Variants in MSI2 observed in about 807,000 individuals in gnomAD.
The protein encoded by MSI2 is RNA-binding protein Musashi homolog 2.
A neutral mutation model predicts 45.6 loss-of-function variants in MSI2; 17 were observed. The ratio of observed to expected loss-of-function variants is 0.37; its 90% confidence interval spans 0.26 to 0.56. The LOEUF is 0.56. Among genes scored for constraint, MSI2 ranks in the 20% least tolerant of loss-of-function variants. MSI2 has a pLI of 0.77. For synonymous variants in MSI2, 156 were observed against 158.2 expected, an observed-to-expected ratio of 0.99 and a Z score of 0.11; for missense variants, 293 against 444.2, an observed-to-expected ratio of 0.66 and a Z score of 3.06.
intron 11 of MSI2, among the ~76,000 whole-genome samples, chr17:57,653,671 G>A (rs754139705): frequency 9.2e-5 from 14 of 152,098 alleles, no homozygotes; most frequent in Non-Finnish European, 1.6e-4. Context: ...TGTTTTCTCC[G>A]TTCAGTTTCT....
At chr17:57,319,785 G>T (rs1290658256) in intron 5 of MSI2, among the ~76,000 whole-genome samples, 1 of 152,020 alleles carries the variant, frequency 6.6e-6, no homozygotes, top group Non-Finnish European at 1.5e-5. Flanking sequence ...GCGAATTTTT[G>T]TATTTTTTTG....
At position 57,651,998 on chromosome 17, in the gene MSI2, T is replaced by A. The variant is rs141029119; in HGVS notation, c.728-101T>A. On this transcript the variant is annotated intron_variant, in intron 10 of 13. Transcript: ENST00000284073. ...GTGAAAATCCCTTCCCACTCCTGTC[T>A]TTGTGTGGAGGGCGGGGGGTTGTGT... 8.2e-6 allele frequency: 9 copies of A among 1,094,284 alleles called. No homozygotes were observed. The African/African-American group carries it at 1.2e-4, about 15-fold the overall frequency. 67.8% of individuals were successfully genotyped at this position (1,094,284 alleles called of 1,614,324 possible). A position where few individuals can be genotyped will look rare whatever the true frequency, so the allele number is the denominator to read the frequency against.
chr17:57,696,156 G>A, the MSI2 span, among the ~76,000 whole-genome samples: 2 of 152,216 alleles, frequency 1.3e-5, no homozygotes, highest in Non-Finnish European at 2.9e-5. Flanking sequence ...ACTAGGTGAA[G>A]ACCCACTGCT....
intron 11 of MSI2, among the ~76,000 whole-genome samples, chr17:57,664,762 A>G (rs1341647189): frequency 2.6e-5 from 4 of 152,122 alleles, no homozygotes; most frequent in African/African-American, 7.2e-5. Context: ...TGTGGATGGT[A>G]TTCATGAATA....
intron 8 of MSI2, among the ~76,000 whole-genome samples, chr17:57,608,013 A>G (rs986962049): frequency 6.6e-6 from 1 of 152,204 alleles, no homozygotes; most frequent in Non-Finnish European, 1.5e-5. Context: ...ACATTTCAAC[A>G]TGAGATTTGG....
At chr17:57,660,970 T>G (rs1195075608) in intron 11 of MSI2, among the ~76,000 whole-genome samples, 1 of 152,208 alleles carries the variant, frequency 6.6e-6, no homozygotes, top group East Asian at 1.9e-4. Context: ...ATTTGTATGT[T>G]AGACAAGCTT....
At chr17:57,276,185 A>G (rs973122198) in intron 5 of MSI2, among the ~76,000 whole-genome samples, 2 of 152,192 alleles carry the variant, frequency 1.3e-5, no homozygotes, top group Non-Finnish European at 2.9e-5. Context: ...TTCTTGCCAC[A>G]ATCATTTTAA....
At chr17:57,269,989 T>G (rs1364847393) in intron 5 of MSI2, among the ~76,000 whole-genome samples, 1 of 152,190 alleles carries the variant, frequency 6.6e-6, no homozygotes, top group Non-Finnish European at 1.5e-5. Context: ...GCTGGGACAG[T>G]TGTCCCACTG....
At chr17:57,489,603 T>G (rs2085827960) in intron 6 of MSI2, among the ~76,000 whole-genome samples, 1 of 152,198 alleles carries the variant, frequency 6.6e-6, no homozygotes, top group Admixed American at 6.5e-5. Context: ...CCTCTGTGGG[T>G]TGCGTGCCTG....
At chr17:57,587,573 A>G (rs1162047904) in intron 7 of MSI2, among the ~76,000 whole-genome samples, 5 of 132,734 alleles carry the variant, frequency 3.8e-5, no homozygotes, top group Non-Finnish European at 6.5e-5. Flanking sequence ...CCCAGCCCCA[A>G]AGGTGGCTGC....
chr17:57,270,893 CTG>C (rs1908298085), intron 5 of MSI2, among the ~76,000 whole-genome samples: 2 of 152,198 alleles, frequency 1.3e-5, no homozygotes, highest in African/African-American at 2.4e-5. Context: ...TTGGAAAATT[CTG>C]TGTCAGTGGC....
At chr17:57,691,243 A>ATC in the MSI2 span, among the ~76,000 whole-genome samples, 399 of 136,994 alleles carry the variant, frequency 2.9e-3, 2 homozygotes, top group African/African-American at 9.5e-3. Context: ...ATCTATCTAT[A>ATC]TTGCCATACC....
chr17:57,352,845 C>T (rs792384), intron 5 of MSI2, among the ~76,000 whole-genome samples: 2,038 of 152,324 alleles, frequency 0.013, 45 homozygotes, highest in African/African-American at 0.046. Flanking sequence ...CTCCTCCTAG[C>T]CTCCTCCTCT....
intron 6 of MSI2, among the ~76,000 whole-genome samples, chr17:57,526,912 A>G (rs1216983649): frequency 6.6e-6 from 1 of 152,146 alleles, no homozygotes; most frequent in African/African-American, 2.4e-5. Context: ...CTTTATGACA[A>G]TGGTTGCCCT....
Position 57,407,311 on chromosome 17 carries a change from C to T in MSI2, c.405+5840C>T, listed in dbSNP as rs28463961. 0.032 allele frequency among the ~76,000 whole-genome samples: 4,807 copies of T among 152,124 alleles called. 256 individuals are homozygous for T. The highest frequency in any genetic ancestry group is 0.11 in the African/African-American group (4,546 of 41,450). On this transcript the variant is annotated intron_variant, in intron 6 of 13. Coordinates refer to ENST00000284073, the MANE Select transcript of MSI2 (RefSeq NM_138962.4). This position sits in a 1 kb window ranked among gnomAD's most constrained non-coding sequence, Gnocchi z 4.1. The stretch of plus-strand genomic sequence containing the variant: ...TGCAGGTGCGAAGCTGCATTCATGG[C>T]CCCCACTCAGACACCCCTTTTGATA...
chr17:57,383,659 T>A (rs2083636262), intron 5 of MSI2, among the ~76,000 whole-genome samples: 1 of 151,640 alleles, frequency 6.6e-6, no homozygotes, highest in African/African-American at 2.4e-5. Context: ...AGACTCCGTC[T>A]AAAAAAAATA....
At position 57,683,876 on chromosome 17, in the gene MSI2, C is replaced by T. The variant is rs1396962779; in HGVS notation, c.*4359C>T. 2.6e-5 allele frequency: 6 copies of T among 231,624 alleles called. No homozygotes were observed. Among genetic ancestry groups the T allele is most frequent in the East Asian group, 1.2e-4 (2 of 16,452 alleles). The allele number at this position is 231,624 out of a possible 1,614,324, so 14.3% of individuals were successfully genotyped here. On this transcript the variant is annotated 3_prime_UTR_variant, in exon 14 of 14. Coordinates refer to ENST00000284073, the MANE Select transcript of MSI2 (RefSeq NM_138962.4). The surrounding 1 kb of genome is among the most constrained non-coding windows in gnomAD (Gnocchi z 5.2). ...TGGGCACAGACACTACACAAGGAGA[C>T]GCTGGAAGTTAAGCAATACTTTAAT...
At position 57,507,933 on chromosome 17, in the gene MSI2, G is replaced by T. The variant is rs183634370; in HGVS notation, c.406-21743G>T. Among the ~76,000 whole-genome samples the T allele has an allele frequency of 1.3e-3, 198 of 152,314 alleles. 1 individual carries two copies. The highest frequency in any genetic ancestry group is 7.7e-4 in the East Asian group (4 of 5,190). On this transcript the variant is annotated intron_variant, in intron 6 of 13. Transcript: ENST00000284073. ...AGTCCTGAGATGATAGGTGTGAGCC[G>T]CCATGCCTGGCTTGCTGCATTTTCT...
intron 6 of MSI2, among the ~76,000 whole-genome samples, chr17:57,464,176 C>T (rs1328041699): frequency 6.6e-6 from 1 of 152,134 alleles, no homozygotes; most frequent in Non-Finnish European, 1.5e-5. Context: ...AGGGCAGTGG[C>T]TCACGCTTGT....
Sources: allele counts gnomAD v4.1 joint callset (sites outside exome capture counted in the v4.1 genomes callset), GRCh38; gene constraint gnomAD v4.1.1; non-coding constraint Gnocchi (gnomAD v3.1); transcripts MANE v1.5; gene names NCBI Gene and HGNC (gene_info 2026-07-23, HGNC 2026-07-21).